Variants in RALGAPA1 observed in about 807,000 individuals in gnomAD.
The protein encoded by RALGAPA1 is Ral GTPase activating protein catalytic subunit alpha 1, also known as ral GTPase-activating protein subunit alpha-1.
Under a neutral mutation model 269.6 loss-of-function variants are expected in RALGAPA1, and 52 were observed. The ratio of observed to expected loss-of-function variants is 0.19; its 90% CI spans 0.15 to 0.24. The LOEUF (loss-of-function observed/expected upper bound fraction) is 0.24, where lower values mean the gene tolerates loss of function less well. Ranked by LOEUF, RALGAPA1 falls within the 10% of genes least tolerant of loss-of-function variation. The probability of loss-of-function intolerance (pLI) is 1.00; values close to 1 mark genes in which losing one functional copy is unlikely to be tolerated. For synonymous variants in RALGAPA1, 817 were observed against 1,008.3 expected, an observed-to-expected ratio of 0.81 and a Z score of 3.60; for missense variants, 1,917 against 3,013.9, an observed-to-expected ratio of 0.64 and a Z score of 8.52.
intron 1 of RALGAPA1, among the ~76,000 whole-genome samples, chr14:35,805,441 C>CAA (rs36002869): frequency 5.9e-4 from 56 of 95,312 alleles, no homozygotes; most frequent in Non-Finnish European, 1.1e-3. Flanking sequence ...GACTCCGTGT[C>CAA]AAAAAAAAAA....
At chr14:35,803,520 T>C (rs974047658) in intron 1 of RALGAPA1, among the ~76,000 whole-genome samples, 1 of 152,122 alleles carries the variant, frequency 6.6e-6, no homozygotes, top group African/African-American at 2.4e-5. Context: ...AAGAAACAAC[T>C]TCTTCTTCAA....
chr14:35,603,662 G>C (rs1392789336), intron 36 of RALGAPA1, among the ~76,000 whole-genome samples: 1 of 152,134 alleles, frequency 6.6e-6, no homozygotes, highest in Non-Finnish European at 1.5e-5. Context: ...ATACTATTCA[G>C]CCATAAAAAG....
chr14:35,787,018 T>C (rs1314645254), intron 1 of RALGAPA1, among the ~76,000 whole-genome samples: 2 of 152,204 alleles, frequency 1.3e-5, no homozygotes, highest in African/African-American at 2.4e-5. Context: ...AAGGCACAGA[T>C]CAAATGTCCC....
Position 35,674,729 on chromosome 14 carries a change from G to C in RALGAPA1, c.4625-20C>G, listed in dbSNP as rs757052253. The C allele has an allele frequency of 1.0e-5, 14 of 1,352,894 alleles. No homozygotes were observed. In the Admixed American group the frequency reaches 2.1e-4, roughly 20 times the overall value. 83.8% of individuals were successfully genotyped at this position (1,352,894 alleles called of 1,614,324 possible). On this transcript the variant is annotated intron_variant, in intron 22 of 41. Transcript: ENST00000680220. ...TAATTTCTATAGAAAAAAATATATA[G>C]TGTCAGCCATTTTTCAGTGAACTGA...
intron 9 of RALGAPA1, 55 bp downstream of exon 9, chr14:35,750,427 C>T: frequency 7.2e-7 from 1 of 1,395,454 alleles, no homozygotes; most frequent in Non-Finnish European, 1.0e-6. Context: ...ACTCAATGGA[C>T]TAAATCTCAA....
intron 27 of RALGAPA1, among the ~76,000 whole-genome samples, chr14:35,661,091 A>C (rs372311433): frequency 6.6e-6 from 1 of 151,864 alleles, no homozygotes; most frequent in African/African-American, 2.4e-5. Flanking sequence ...GGTACTGTAC[A>C]CTTGAAACCT....
intron 33 of RALGAPA1, 145 bp downstream of exon 33, chr14:35,634,429 A>T: frequency 2.1e-6 from 1 of 466,830 alleles, no homozygotes; most frequent in Non-Finnish European, 3.6e-6. Context: ...TTCTTTAATT[A>T]ATAATGAACT....
chr14:35,578,416 C>T (rs2057721054), intron 37 of RALGAPA1, among the ~76,000 whole-genome samples: 1 of 152,126 alleles, frequency 6.6e-6, no homozygotes. Flanking sequence ...TTCTTTCCCC[C>T]ATCTTTCAGG....
chr14:35,779,095 TATAAGA>T (rs2075258810), intron 1 of RALGAPA1, among the ~76,000 whole-genome samples: 1 of 152,204 alleles, frequency 6.6e-6, no homozygotes, highest in African/African-American at 2.4e-5. Context: ...ATTATCTGCC[TATAAGA>T]ATAATAGTCA....
rs536450265 is a variant in RALGAPA1, at chr14:35,722,967, T to C, written c.2104+60A>G. On this transcript the variant is annotated intron_variant, in intron 15 of 41. Transcript: ENST00000680220. ...CCCTCACCCCTCTCCCTGGAATGGTTTTCCCTGACTCAATTATTTAAACAA... is the reference window on the plus strand; with the variant it reads ...CCCTCACCCCTCTCCCTGGAATGGTCTTCCCTGACTCAATTATTTAAACAA... The C allele has an allele frequency of 1.7e-5, 17 of 1,006,018 alleles. No homozygotes were observed. In the East Asian group the frequency reaches 3.7e-4, roughly 22 times the overall value. The allele number at this position is 1,006,018 out of a possible 1,614,324, so 62.3% of individuals were successfully genotyped here.
intron 35 of RALGAPA1, among the ~76,000 whole-genome samples, chr14:35,622,829 T>C (rs962928083): frequency 6.6e-6 from 1 of 152,200 alleles, no homozygotes; most frequent in African/African-American, 2.4e-5. Flanking sequence ...CTGGGCACAA[T>C]GGCTCATGCC....
intron 12 of RALGAPA1, among the ~76,000 whole-genome samples, chr14:35,733,919 C>T (rs2141068282): frequency 6.6e-6 from 1 of 152,082 alleles, no homozygotes; most frequent in South Asian, 2.1e-4. Flanking sequence ...AAATCAAGAA[C>T]TCAACCCCTT....
chr14:35,686,899 A>C (rs1169713067), intron 18 of RALGAPA1, among the ~76,000 whole-genome samples: 1 of 152,238 alleles, frequency 6.6e-6, no homozygotes, highest in East Asian at 1.9e-4. Context: ...ACAGCAAGAA[A>C]GCTTATAGAT....
intron 26 of RALGAPA1, among the ~76,000 whole-genome samples, chr14:35,670,308 T>C (rs1258772662): frequency 1.3e-5 from 2 of 152,212 alleles, no homozygotes; most frequent in African/African-American, 2.4e-5. Context: ...CTTCAAGTTA[T>C]ACAGTACTAG....
chr14:35,647,785 T>G (rs1477147938), intron 31 of RALGAPA1, among the ~76,000 whole-genome samples: 2 of 151,366 alleles, frequency 1.3e-5, no homozygotes, highest in East Asian at 3.9e-4. Context: ...AAACCCCATC[T>G]CCACTAAAAA....
At chr14:35,706,531 T>A (rs1170886571) in intron 16 of RALGAPA1, 1 of 152,156 alleles carries the variant, frequency 6.6e-6, no homozygotes, top group Non-Finnish European at 1.5e-5. Flanking sequence ...CTATATTAAA[T>A]TTTGAAGTCA....
Position 35,688,973 on chromosome 14 carries a change from T to G in RALGAPA1, c.3438A>C (p.Lys1146Asn). 1 of 1,235,740 alleles carries G rather than the reference T, an allele frequency of 8.1e-7. No homozygotes were observed. The highest frequency in any genetic ancestry group is 1.0e-6 in the Non-Finnish European group (1 of 990,086). The allele number at this position is 1,235,740 out of a possible 1,614,324, so 76.5% of individuals were successfully genotyped here. ...RAKIMKIATK[K>N]RNSVHVTFRP... is the part of the protein sequence containing the mutation. ...TAAAAGTAACATGAACACTATTTCG[T>G]TTTTTAGTAGCAATTTTCATGATTT... Residue 1146 changes from lysine to asparagine, a missense_variant, in exon 18 of 42, where the codon AAA (lysine) becomes AAC (asparagine). This residue lies in a region of RALGAPA1 where 615 missense variants were observed against 790.0 expected (regional missense o/e 0.78). Transcript: ENST00000680220.
At chr14:35,570,536 C>G in intron 39 of RALGAPA1, 81 bp downstream of exon 39, 4 of 1,138,254 alleles carry the variant, frequency 3.5e-6, no homozygotes, top group Non-Finnish European at 4.8e-6. Flanking sequence ...AAATAAAAGG[C>G]TTTAACAATA....
At chr14:35,795,830 A>AG (rs2076522693) in intron 1 of RALGAPA1, among the ~76,000 whole-genome samples, 1 of 151,740 alleles carries the variant, frequency 6.6e-6, no homozygotes, top group Non-Finnish European at 1.5e-5. Flanking sequence ...AAAAAAAAAA[A>AG]AAATTAGCTG....
Sources: gnomAD v4.1 joint callset for allele counts (sites outside exome capture counted in the v4.1 genomes callset) on GRCh38, gnomAD v4.1.1 for gene constraint, gnomAD v4.1.1 regional missense constraint, MANE v1.5 for transcripts, NCBI Gene and HGNC (gene_info 2026-07-23, HGNC 2026-07-21) for gene names.